Variants in HKDC1 observed in about 807,000 individuals in gnomAD.
HKDC1 encodes the protein hexokinase HKDC1.
In HKDC1, 66 loss-of-function variants were observed where a neutral mutation model predicts 96.6. The observed-to-expected ratio is 0.68, with a 90% confidence interval of 0.56 to 0.84. The LOEUF is 0.84. HKDC1 is among the 40% of genes least tolerant of loss of function. HKDC1 has a pLI of 0.00. For missense variants in HKDC1, 1,211 were observed against 1,208.1 expected (o/e 1.00, Z -0.04); for synonymous variants, 466 against 473.1 (o/e 0.98, Z 0.20).
At chr10:69,258,374 C>T (rs567725905) in intron 14 of HKDC1, among the ~76,000 whole-genome samples, 12 of 152,222 alleles carry the variant, frequency 7.9e-5, no homozygotes, top group South Asian at 2.1e-4. Context: ...ATTTGCTTGT[C>T]CAAGACTAGA....
At chr10:69,240,044 A>G (rs923576931) in intron 5 of HKDC1, among the ~76,000 whole-genome samples, 2 of 152,182 alleles carry the variant, frequency 1.3e-5, no homozygotes, top group Non-Finnish European at 2.9e-5. Context: ...GACTTGGCCG[A>G]GTCTGTGCCT....
At chr10:69,237,028 C>T (rs182406550) in intron 4 of HKDC1, among the ~76,000 whole-genome samples, 5 of 152,154 alleles carry the variant, frequency 3.3e-5, no homozygotes, top group Middle Eastern at 3.4e-3. Context: ...AGAATAAGGG[C>T]TCCTGGGGAA....
At chr10:69,223,759 A>G (rs1252807678) in intron 1 of HKDC1, among the ~76,000 whole-genome samples, 1 of 149,882 alleles carries the variant, frequency 6.7e-6, no homozygotes, top group Non-Finnish European at 1.5e-5. Context: ...TAATTTTTGT[A>G]TTTTTAGTAG....
chr10:69,264,197 CTGTGTGTGTGTGTGTG>C (rs34401681), intron 16 of HKDC1, among the ~76,000 whole-genome samples: 4,873 of 139,460 alleles, frequency 0.035, 299 homozygotes, highest in African/African-American at 0.13. Flanking sequence ...AGATTTCCTT[CTGTGTGTGTGTGTGTG>C]TGTGTGTGTG....
At chr10:69,253,523 T>C (rs532418557) in intron 12 of HKDC1, among the ~76,000 whole-genome samples, 2 of 152,254 alleles carry the variant, frequency 1.3e-5, no homozygotes, top group African/African-American at 4.8e-5. Context: ...GTTTCCCATA[T>C]GAATAACCTT....
At chr10:69,221,650 A>C (rs755466037) in intron 1 of HKDC1, among the ~76,000 whole-genome samples, 1 of 152,122 alleles carries the variant, frequency 6.6e-6, no homozygotes, top group Non-Finnish European at 1.5e-5. Flanking sequence ...GAGGCCAGGC[A>C]CCGTGGCTCA....
At position 69,250,297 on chromosome 10, in the gene HKDC1, A is replaced by C. The variant is rs1045465193; in HGVS notation, c.1578A>C (p.Gly526=). Residue 526 remains glycine, a synonymous_variant, in exon 11 of 18, where the codon GGA becomes GGC. Coordinates refer to ENST00000354624, the MANE Select transcript of HKDC1 (RefSeq NM_025130.4). ...CTGCTTTCTCCATCACAGAGAAAGG[A>C]AAGTTTCTCGCCCTGGATCTTGGGG... ...VCGLPDGTEK[G]KFLALDLGGT... 1.1e-5 allele frequency: 18 copies of C among 1,613,014 alleles called. No individual in the cohort carries two copies. The highest frequency in any genetic ancestry group is 1.4e-5 in the Non-Finnish European group (17 of 1,179,516).
intron 12 of HKDC1, among the ~76,000 whole-genome samples, chr10:69,250,984 T>A (rs906681681): frequency 3.3e-5 from 5 of 151,914 alleles, no homozygotes; most frequent in African/African-American, 1.2e-4. Flanking sequence ...TGGGCAGTAA[T>A]ACGATCTGTG....
At chr10:69,255,864 T>C (rs1843710805) in intron 12 of HKDC1, among the ~76,000 whole-genome samples, 3 of 150,278 alleles carry the variant, frequency 2.0e-5, no homozygotes, top group Admixed American at 2.0e-4. Context: ...TTGCGGTGAG[T>C]TGAGATCACA....
At chr10:69,226,781 C>G (rs892855103) in intron 1 of HKDC1, among the ~76,000 whole-genome samples, 2 of 152,190 alleles carry the variant, frequency 1.3e-5, no homozygotes, top group African/African-American at 4.8e-5. Flanking sequence ...CTGTGGTCAT[C>G]ATTGGATGAA....
chr10:69,228,267 A>T (rs1843194540), intron 2 of HKDC1, among the ~76,000 whole-genome samples: 1 of 152,142 alleles, frequency 6.6e-6, no homozygotes, highest in Middle Eastern at 3.4e-3. Flanking sequence ...CTCTGACCTG[A>T]CCTTCTGCCT....
Position 69,247,502 on chromosome 10 carries a change from G to T in HKDC1, c.1174G>T (p.Ala392Ser), listed in dbSNP as rs1589411514. The T allele has an allele frequency of 1.2e-6, 2 of 1,614,176 alleles. No homozygotes were observed. Among genetic ancestry groups the T allele is most frequent in the Non-Finnish European group, 1.7e-6 (2 of 1,180,046 alleles). ...CAATCTCTGTGCAGCAGCTCTGGCG[G>T]CCATCCTGACACGCCTCCGGGAGAA... Reference protein sequence around the residue: ...SANLCAAALAAILTRLRENKK... With the variant: ...SANLCAAALASILTRLRENKK... Residue 392 changes from alanine (A) to serine (S), a missense_variant, in exon 9 of 18, where the codon GCC becomes TCC. Coordinates refer to ENST00000354624, the MANE Select transcript of HKDC1 (RefSeq NM_025130.4).
chr10:69,239,087 C>G lies in HKDC1; in HGVS notation c.541C>G (p.Gln181Glu), dbSNP rs759332556. The G allele has an allele frequency of 1.2e-6, 2 of 1,613,954 alleles. No homozygotes were observed. Among genetic ancestry groups the G allele is most frequent in the Non-Finnish European group, 1.7e-6 (2 of 1,179,876 alleles). The change falls in exon 5 of 18, where the codon CAG becomes GAG. Residue 181 changes from glutamine (Q) to glutamate (E), a missense_variant. Physicochemically the swap from Gln to Glu is conservative, Grantham distance 29. Coordinates refer to ENST00000354624, the MANE Select transcript of HKDC1 (RefSeq NM_025130.4). The stretch of plus-strand genomic sequence containing the variant: ...AAAAAAGTTTAAGGCACGAGGAGTT[C>G]AGGACACGGATGTGGTGAGCCGTCT... The part of the protein sequence containing the change: ...WTKKFKARGV[Q>E]DTDVVSRLTK...
rs537386563 is a variant in HKDC1, at chr10:69,261,242, C to T, written c.2320C>T (p.Arg774Cys). The T allele has an allele frequency of 1.5e-5, 25 of 1,614,108 alleles. No homozygotes were observed. In the African/African-American group the frequency reaches 1.6e-4, roughly 10 times the overall value. Residue 774 changes from arginine to cysteine, a missense_variant, in exon 16 of 18, where the codon CGT (arginine) becomes TGT (cysteine). Physicochemically the swap from Arg to Cys is radical, Grantham distance 180 (BLOSUM62 -3). Transcript: ENST00000354624. The part of the protein sequence containing the change: ...GLLFRGQISE[R>C]LRTRGIFETK... ...CCTCTTCCGAGGGCAGATTTCAGAGCGTCTCCGGACCAGGGGCATCTTCGA... is the reference window on the plus strand; with the variant it reads ...CCTCTTCCGAGGGCAGATTTCAGAGTGTCTCCGGACCAGGGGCATCTTCGA...
chr10:69,262,532 C>T (rs1302662450), intron 16 of HKDC1, among the ~76,000 whole-genome samples: 1 of 152,004 alleles, frequency 6.6e-6, no homozygotes, highest in Non-Finnish European at 1.5e-5. Flanking sequence ...TGGATTTTCT[C>T]TCCATTTGTG....
Position 69,239,118 on chromosome 10 carries a change from A to G in HKDC1, c.572A>G (p.Lys191Arg). 9 of 1,613,640 alleles carry G rather than the reference A, an allele frequency of 5.6e-6. No homozygotes were observed. The highest frequency in any genetic ancestry group is 7.6e-6 in the Non-Finnish European group (9 of 1,179,652). Residue 191 changes from lysine to arginine, a missense_variant, in exon 5 of 18, where the codon AAA becomes AGA. Transcript: ENST00000354624. ...ACGGATGTGGTGAGCCGTCTGACCA[A>G]AGCCATGAGAAGACACAAGGTGAGG... ...QDTDVVSRLT[K>R]AMRRHKDMDV...
chr10:69,251,846 G>A (rs1240288994), intron 12 of HKDC1, among the ~76,000 whole-genome samples: 1 of 149,926 alleles, frequency 6.7e-6, no homozygotes, highest in Non-Finnish European at 1.5e-5. Flanking sequence ...TGCAACCTCT[G>A]CCTCCCGGGT....
intron 4 of HKDC1, 136 bp from the exon 5 acceptor site, chr10:69,238,906 G>T: frequency 1.8e-6 from 1 of 565,946 alleles, no homozygotes. Flanking sequence ...CAGAAGCAAT[G>T]TTTTAAAAAA....
intron 6 of HKDC1, 92 bp from the exon 7 acceptor site, chr10:69,243,090 C>T: frequency 2.3e-6 from 3 of 1,289,406 alleles, no homozygotes; most frequent in Non-Finnish European, 3.3e-6. Context: ...CTTTGTGGTA[C>T]ATTGAGGAGG....
Sources: allele counts gnomAD v4.1 joint callset (sites outside exome capture counted in the v4.1 genomes callset), GRCh38; gene constraint gnomAD v4.1.1; transcripts MANE v1.5; gene names NCBI Gene and HGNC (gene_info 2026-07-23, HGNC 2026-07-21).